The following SCAI variants were observed in gnomAD, a reference collection of about 807,000 sequenced individuals.
SCAI encodes the protein suppressor of cancer cell invasion, also known as protein SCAI.
Under a neutral mutation model 92.2 loss-of-function variants are expected in SCAI, and 24 were observed. The observed-to-expected ratio is 0.26, with a 90% CI of 0.19 to 0.37. The LOEUF is 0.37. SCAI is among the 10% of genes least tolerant of loss of function. SCAI has a pLI of 1.00. For missense variants in SCAI, 450 were observed against 736.2 expected (o/e 0.61, Z 4.50); for synonymous variants, 261 against 258.6 (o/e 1.01, Z -0.09).
intron 6 of SCAI, among the ~76,000 whole-genome samples, chr9:125,026,512 TA>T (rs1291062390): frequency 4.6e-5 from 7 of 152,226 alleles, no homozygotes; most frequent in Non-Finnish European, 1.0e-4. Context: ...TAAATGTTAT[TA>T]GCTAAGCCTT....
intron 3 of SCAI, among the ~76,000 whole-genome samples, chr9:125,047,631 G>A (rs1322340941): frequency 2.6e-5 from 4 of 152,178 alleles, no homozygotes; most frequent in Admixed American, 6.5e-5. Flanking sequence ...ATGGATTCAC[G>A]AGAAAGCACA....
intron 2 of SCAI, among the ~76,000 whole-genome samples, chr9:125,100,393 C>T (rs1248920050): frequency 6.6e-6 from 1 of 152,208 alleles, no homozygotes; most frequent in Non-Finnish European, 1.5e-5. Flanking sequence ...TCTACTATCT[C>T]CATTTCAGAG....
chr9:125,070,555 A>G (rs1433345959), intron 2 of SCAI, among the ~76,000 whole-genome samples: 2 of 151,772 alleles, frequency 1.3e-5, no homozygotes, highest in Non-Finnish European at 2.9e-5. Context: ...CCTGCCACCA[A>G]ACCCAACTAG....
intron 2 of SCAI, among the ~76,000 whole-genome samples, chr9:125,060,931 C>T (rs1343734909): frequency 6.6e-6 from 1 of 152,170 alleles, no homozygotes; most frequent in Non-Finnish European, 1.5e-5. Flanking sequence ...AATATACCAT[C>T]CTTCCTTGTA....
chr9:125,131,673 T>C (rs1242502265), intron 2 of SCAI, among the ~76,000 whole-genome samples: 1 of 152,176 alleles, frequency 6.6e-6, no homozygotes, highest in Non-Finnish European at 1.5e-5. Flanking sequence ...CTGCAGAGTC[T>C]GCTTTCACAG....
intron 11 of SCAI, among the ~76,000 whole-genome samples, chr9:125,002,406 GT>G (rs1255169041): frequency 3.3e-5 from 5 of 151,314 alleles, no homozygotes; most frequent in Admixed American, 1.3e-4. Flanking sequence ...ATTTCTCACA[GT>G]TCTTTCAGAT....
chr9:125,122,588 C>CAA (rs34757267), intron 2 of SCAI, among the ~76,000 whole-genome samples: 1,289 of 59,866 alleles, frequency 0.022, 141 homozygotes, highest in Non-Finnish European at 0.038. Flanking sequence ...GACTCCATCT[C>CAA]AAAAAAAAAA....
intron 17 of SCAI, among the ~76,000 whole-genome samples, chr9:124,953,176 T>A (rs1051356568): frequency 6.6e-6 from 1 of 152,212 alleles, no homozygotes; most frequent in African/African-American, 2.4e-5. Context: ...AGTGAGTTAT[T>A]CCACAAATGT....
chr9:124,989,369 C>A (rs12344609), intron 14 of SCAI, among the ~76,000 whole-genome samples: 54,253 of 151,820 alleles, frequency 0.36, 9,855 homozygotes, highest in Admixed American at 0.4. Flanking sequence ...GAGGCCCAGA[C>A]AGGCATTCAA....
chr9:125,015,122 G>A (rs1299703435), intron 9 of SCAI, among the ~76,000 whole-genome samples: 2 of 152,116 alleles, frequency 1.3e-5, no homozygotes, highest in Non-Finnish European at 2.9e-5. Flanking sequence ...GTAGGCATGG[G>A]CAAGGACTTC....
At chr9:125,011,470 G>A (rs1230146568) in intron 9 of SCAI, among the ~76,000 whole-genome samples, 8 of 152,018 alleles carry the variant, frequency 5.3e-5, no homozygotes, top group Non-Finnish European at 1.0e-4. Flanking sequence ...AAGCGAGAAG[G>A]GAAGTTTAGA....
At chr9:125,072,895 C>T (rs1834004804) in intron 2 of SCAI, among the ~76,000 whole-genome samples, 1 of 151,920 alleles carries the variant, frequency 6.6e-6, no homozygotes, top group South Asian at 2.1e-4. Context: ...AATAATACGC[C>T]CTTGTTTTTA....
At chr9:125,125,873 CACAT>C (rs1299702250) in intron 2 of SCAI, among the ~76,000 whole-genome samples, 3 of 149,738 alleles carry the variant, frequency 2.0e-5, no homozygotes, top group East Asian at 2.0e-4. Flanking sequence ...AAAACACACA[CACAT>C]ATTCTCTCTC....
At chr9:125,142,715 C>T (rs1041128004) in intron 1 of SCAI, 38 bp from the exon 2 acceptor site, 11 of 1,585,588 alleles carry the variant, frequency 6.9e-6, no homozygotes, top group Non-Finnish European at 8.7e-6. Context: ...CTAAAAGTAA[C>T]ATACAAGAAA....
intron 17 of SCAI, among the ~76,000 whole-genome samples, chr9:124,953,845 A>G (rs1831272456): frequency 1.3e-5 from 2 of 152,214 alleles, no homozygotes; most frequent in African/African-American, 4.8e-5. Flanking sequence ...ACTTCTCTCT[A>G]CCTATAGGAC....
At chr9:125,038,112 C>T (rs1833239204) in intron 3 of SCAI, among the ~76,000 whole-genome samples, 1 of 152,026 alleles carries the variant, frequency 6.6e-6, no homozygotes, top group African/African-American at 2.4e-5. Context: ...CACAAATTAG[C>T]CAGACATGGT....
At chr9:125,141,289 C>A (rs997248344) in intron 2 of SCAI, among the ~76,000 whole-genome samples, 1 of 152,180 alleles carries the variant, frequency 6.6e-6, no homozygotes, top group African/African-American at 2.4e-5. Flanking sequence ...GGCACTTCCA[C>A]CATCAGCATT....
chr9:125,002,058 A>G lies in SCAI; in HGVS notation c.1066-15T>C. ...GCAGGCAGCTCCTGAAATGAAAGAA[A>G]ATCACATACACAAAACAACAAACAA... On this transcript the variant is annotated splice_polypyrimidine_tract_variant and intron_variant, in intron 11 of 17. Coordinates refer to ENST00000336505, the MANE Select transcript of SCAI (RefSeq NM_001144877.3). 3 of 1,563,094 alleles carry G rather than the reference A, an allele frequency of 1.9e-6. No homozygotes were observed. Among genetic ancestry groups the G allele is most frequent in the Non-Finnish European group, 2.6e-6 (3 of 1,133,130 alleles).
chr9:125,074,245 C>T (rs1361256776), intron 2 of SCAI, among the ~76,000 whole-genome samples: 4 of 134,276 alleles, frequency 3.0e-5, no homozygotes, highest in African/African-American at 8.3e-5. Flanking sequence ...GGTGACAGAG[C>T]GAGACTCCAT....
Sources: allele counts gnomAD v4.1 joint callset (sites outside exome capture counted in the v4.1 genomes callset), GRCh38; gene constraint gnomAD v4.1.1; transcripts MANE v1.5; gene names NCBI Gene and HGNC (gene_info 2026-07-23, HGNC 2026-07-21).